The following LRRK2 variants were observed in gnomAD, a reference collection of about 807,000 sequenced individuals.
LRRK2 encodes leucine rich repeat kinase 2.
In LRRK2, 203 loss-of-function variants were observed where a neutral mutation model predicts 302.6. That is an observed-to-expected ratio of 0.67 (90% CI 0.60 to 0.75). LRRK2 has a LOEUF of 0.75. Among genes scored for constraint, LRRK2 ranks in the 30% least tolerant of loss-of-function variants. The pLI is 0.00. For synonymous variants in LRRK2, 1,066 were observed against 1,031.9 expected (o/e 1.03, Z -0.63); for missense variants, 2,830 against 2,951.0 (o/e 0.96, Z 0.95).
chr12:40,366,984 T>G, intron 49 of LRRK2, 22 bp from the exon 50 acceptor site: 1 of 1,591,802 alleles, frequency 6.3e-7, no homozygotes, highest in South Asian at 1.1e-5. Context: ...ACAGAAAACT[T>G]ACATATTTTG....
intron 2 of LRRK2, among the ~76,000 whole-genome samples, chr12:40,227,281 G>A (rs1409133224): frequency 1.3e-5 from 2 of 151,982 alleles, no homozygotes; most frequent in Admixed American, 6.6e-5. Flanking sequence ...TGGAATATCC[G>A]TCACCTCGAA....
chr12:40,333,084 A>G (rs1025272541), intron 39 of LRRK2, among the ~76,000 whole-genome samples: 1 of 152,082 alleles, frequency 6.6e-6, no homozygotes, highest in Non-Finnish European at 1.5e-5. Flanking sequence ...TTTCTTTGCA[A>G]TTAGTGAGTT....
intron 32 of LRRK2, 79 bp from the exon 33 acceptor site, chr12:40,315,133 T>C (rs1357158614): frequency 1.7e-6 from 2 of 1,171,972 alleles, no homozygotes; most frequent in South Asian, 1.2e-5. Flanking sequence ...AATGAGGAAG[T>C]TGGACTAGAT....
At chr12:40,338,250 T>C (rs1390879635) in intron 40 of LRRK2, among the ~76,000 whole-genome samples, 1 of 152,178 alleles carries the variant, frequency 6.6e-6, no homozygotes, top group East Asian at 1.9e-4. Context: ...TCCTTCTGGA[T>C]TGTGACACCC....
At chr12:40,225,385 G>C (rs1036321227) in intron 1 of LRRK2, 103 bp downstream of exon 1, 7 of 1,420,378 alleles carry the variant, frequency 4.9e-6, no homozygotes, top group Middle Eastern at 4.1e-4. Flanking sequence ...CTCAAACCCG[G>C]ACTCTTAAGG....
intron 16 of LRRK2, among the ~76,000 whole-genome samples, chr12:40,275,803 G>A (rs1175095176): frequency 6.6e-6 from 1 of 151,878 alleles, no homozygotes; most frequent in Non-Finnish European, 1.5e-5. Context: ...TAGAGATGAG[G>A]TTTCACCATA....
In LRRK2 at chr12:40,351,597, C is replaced by T; in HGVS notation, c.6440C>T (p.Pro2147Leu). ...TGTCTGACGAGACGCATTTTATTAC[C>T]TAAAAACGTAATTGTTGAATGCATG... ...LVCLTRRILL[P>L]KNVIVECMVA... The change falls in exon 44 of 51, where the codon CCT (proline) becomes CTT (leucine). Residue 2147 changes from proline to leucine, a missense_variant. This residue lies in a region of LRRK2 where 456 missense variants were observed against 456.3 expected (regional missense o/e 1.00). Coordinates refer to ENST00000298910, the MANE Select transcript of LRRK2 (RefSeq NM_198578.4). 2.5e-6 allele frequency: 4 copies of T among 1,614,032 alleles called. No individual in the cohort carries two copies. The highest frequency in any genetic ancestry group is 2.5e-6 in the Non-Finnish European group (3 of 1,180,000).
intron 2 of LRRK2, among the ~76,000 whole-genome samples, chr12:40,231,806 T>A (rs533489030): frequency 1.4e-5 from 2 of 147,328 alleles, no homozygotes; most frequent in South Asian, 2.1e-4. Flanking sequence ...TATATATATA[T>A]AATATATATA....
rs886800615 is a variant in LRRK2, at chr12:40,349,540, G to T, written c.6381+1031G>T. ...ATTTATTTATTTATTTAGAGGCAGGGTCTCACTCTGTCACCCAGGCTGGAG... is the reference window on the plus strand; with the variant it reads ...ATTTATTTATTTATTTAGAGGCAGGTTCTCACTCTGTCACCCAGGCTGGAG... On this transcript the variant is annotated intron_variant, in intron 43 of 50. Coordinates refer to ENST00000298910, the MANE Select transcript of LRRK2 (RefSeq NM_198578.4). Among the ~76,000 whole-genome samples the T allele has an allele frequency of 1.2e-3, 122 of 104,838 alleles. 1 individual carries two copies. Among genetic ancestry groups the T allele is most frequent in the Admixed American group, 2.1e-4 (2 of 9,702 alleles). The allele number at this position is 104,838 out of a possible 152,430, so 68.8% of individuals were successfully genotyped here. A position where few individuals can be genotyped will look rare whatever the true frequency, so the allele number is the denominator to read the frequency against.
In LRRK2 at chr12:40,348,203, T is replaced by TA. The variant is rs34429371; in HGVS notation, c.6281-196dup. On this transcript the variant is annotated intron_variant, in intron 42 of 50. Coordinates refer to ENST00000298910, the MANE Select transcript of LRRK2 (RefSeq NM_198578.4). ...GTTATTTGGGTCTCTTTTTATTCCA[T>TA]AAAAAAAAAATCTTTTCCACATCTC... Among the ~76,000 whole-genome samples, 3 of 80,048 alleles carry TA rather than the reference T, an allele frequency of 3.7e-5. No individual in the cohort carries two copies. In the Admixed American group the frequency reaches 3.9e-4, roughly 10 times the overall value. The allele number at this position is 80,048 out of a possible 152,430, so 52.5% of individuals were successfully genotyped here. A position where few individuals can be genotyped will look rare whatever the true frequency, so the allele number is the denominator to read the frequency against.
chr12:40,348,648 A>T, intron 43 of LRRK2, 139 bp downstream of exon 43: 1 of 661,874 alleles, frequency 1.5e-6, no homozygotes, highest in East Asian at 2.8e-5. Flanking sequence ...CAAACCTCCT[A>T]TAATTTTCAC....
At chr12:40,313,269 T>G (rs1354612733) in intron 31 of LRRK2, among the ~76,000 whole-genome samples, 1 of 152,094 alleles carries the variant, frequency 6.6e-6, no homozygotes, top group Non-Finnish European at 1.5e-5. Context: ...AAGATACTTT[T>G]ATTGTAGAAA....
chr12:40,243,505 A>G (rs1211025613), intron 6 of LRRK2, 45 bp from the exon 7 acceptor site: 2 of 1,603,648 alleles, frequency 1.2e-6, no homozygotes, highest in Admixed American at 1.7e-5. Context: ...ATTTGAAAGG[A>G]GAACATGGTT....
At chr12:40,342,507 G>C (rs11176105) in intron 41 of LRRK2, among the ~76,000 whole-genome samples, 1 of 136,056 alleles carries the variant, frequency 7.3e-6, no homozygotes, top group Non-Finnish European at 1.6e-5. Flanking sequence ...CTGTAACCTA[G>C]ATTTTCTCTT....
intron 23 of LRRK2, among the ~76,000 whole-genome samples, chr12:40,296,009 T>C (rs1944373213): frequency 6.6e-6 from 1 of 152,240 alleles, no homozygotes; most frequent in African/African-American, 2.4e-5. Flanking sequence ...GTACTGGCTC[T>C]GACTCAGCTA....
intron 41 of LRRK2, among the ~76,000 whole-genome samples, chr12:40,345,639 A>AAAAAAAAAG (rs1946170207): frequency 6.6e-6 from 1 of 150,948 alleles, no homozygotes; most frequent in South Asian, 2.1e-4. Flanking sequence ...AAAAAAAAAA[A>AAAAAAAAAG]AAAAAAGAAA....
chr12:40,341,058 G>T (rs1234425901), intron 41 of LRRK2, among the ~76,000 whole-genome samples: 3 of 152,186 alleles, frequency 2.0e-5, no homozygotes, highest in Middle Eastern at 3.2e-3. Flanking sequence ...CTACCCTGTG[G>T]AATCTTACCT....
At chr12:40,313,615 G>A (rs776009799) in intron 31 of LRRK2, among the ~76,000 whole-genome samples, 4 of 151,754 alleles carry the variant, frequency 2.6e-5, no homozygotes, top group Non-Finnish European at 5.9e-5. Flanking sequence ...TCTTATACTA[G>A]CGTGTCTGTT....
At chr12:40,277,863 A>G (rs199633641) in intron 16 of LRRK2, 25 bp from the exon 17 acceptor site, 4 of 1,561,604 alleles carry the variant, frequency 2.6e-6, no homozygotes, top group East Asian at 4.7e-5. Context: ...TGCTTATTTT[A>G]TTATTTTTTT....
Sources: allele counts gnomAD v4.1 joint callset (sites outside exome capture counted in the v4.1 genomes callset), GRCh38; gene constraint gnomAD v4.1.1; regional missense constraint gnomAD v4.1.1; transcripts MANE v1.5; gene names NCBI Gene and HGNC (gene_info 2026-07-23, HGNC 2026-07-21).